The following UCHL5 variants were observed in gnomAD, a reference collection of about 807,000 sequenced individuals.
UCHL5 encodes ubiquitin carboxyl-terminal hydrolase isozyme L5.
In UCHL5, 34 loss-of-function variants were observed where a neutral mutation model predicts 53.8. The observed-to-expected ratio is 0.63, with a 90% CI of 0.48 to 0.84. UCHL5 has a LOEUF of 0.84. Among genes scored for constraint, UCHL5 ranks in the 40% least tolerant of loss-of-function variants. The pLI is 0.00. For missense variants in UCHL5, 290 were observed against 385.6 expected, an observed-to-expected ratio of 0.75 and a Z score of 2.08; for synonymous variants, 111 against 126.3, an observed-to-expected ratio of 0.88 and a Z score of 0.81.
intron 9 of UCHL5, 110 bp from the exon 10 acceptor site, chr1:193,021,305 G>T: frequency 1.5e-6 from 1 of 663,922 alleles, no homozygotes; most frequent in Non-Finnish European, 2.5e-6. Flanking sequence ...ATAAGAAAAT[G>T]ATTTTAGAAA....
At chr1:193,059,457 G>A, upstream of UCHL5, 1 of 1,609,482 alleles carries the variant, frequency 6.2e-7, no homozygotes, top group Non-Finnish European at 8.5e-7. The surrounding 1 kb of genome is among the most constrained non-coding windows in gnomAD (Gnocchi z 4.9). Flanking sequence ...CCACCCTAGA[G>A]ACATCGAAAC....
intron 3 of UCHL5, among the ~76,000 whole-genome samples, chr1:193,032,765 CAT>C (rs1368038281): frequency 6.6e-6 from 1 of 152,182 alleles, no homozygotes; most frequent in South Asian, 2.1e-4. Context: ...GGCCAACAAA[CAT>C]ATGAAAGAAA....
At chr1:193,027,902 G>A in intron 7 of UCHL5, 183 bp downstream of exon 7, 4 of 1,477,592 alleles carry the variant, frequency 2.7e-6, no homozygotes, top group Non-Finnish European at 3.6e-6. Flanking sequence ...GCAGGCGGAT[G>A]GCTTGAGCTC....
chr1:193,041,940 A>G (rs1665714004), intron 3 of UCHL5, among the ~76,000 whole-genome samples: 1 of 152,106 alleles, frequency 6.6e-6, no homozygotes, highest in African/African-American at 2.4e-5. Context: ...CCTGAGTAAC[A>G]TAATGAGATT....
At chr1:193,022,664 C>CAA (rs1291548226) in intron 9 of UCHL5, among the ~76,000 whole-genome samples, 50 of 53,914 alleles carry the variant, frequency 9.3e-4, no homozygotes, top group African/African-American at 2.5e-3. Flanking sequence ...AGACTCTGTC[C>CAA]AAAAAAAAAA....
chr1:193,040,690 T>C (rs1344815211), intron 3 of UCHL5, among the ~76,000 whole-genome samples: 2 of 152,210 alleles, frequency 1.3e-5, no homozygotes, highest in African/African-American at 4.8e-5. Flanking sequence ...ATATCTGCAC[T>C]CCTTGTTTTT....
At chr1:193,022,854 T>C (rs1657642859) in intron 9 of UCHL5, 72 bp downstream of exon 9, 1 of 1,049,886 alleles carries the variant, frequency 9.5e-7, no homozygotes, top group Non-Finnish European at 1.4e-6. Context: ...CATCAGATAT[T>C]CAATGTACCT....
chr1:193,032,022 T>TAA lies in UCHL5; in HGVS notation c.247-2366_247-2365insTT, dbSNP rs1417379393. ...GACCCAGAACCTTAAGAGTTTGGTT[T>TAA]GAATTCCTACGCCAGGGTATATAGT... On this transcript the variant is annotated intron_variant, in intron 3 of 10. Coordinates refer to ENST00000367454, the MANE Select transcript of UCHL5 (RefSeq NM_001199261.3). 2.0e-5 allele frequency among the ~76,000 whole-genome samples: 3 copies of TAA among 152,318 alleles called. No individual in the cohort carries two copies. In the East Asian group the frequency reaches 5.8e-4, roughly 29 times the overall value.
At chr1:193,016,594 A>G (rs1654974734) in intron 10 of UCHL5, among the ~76,000 whole-genome samples, 199 bp from the exon 11 acceptor site, 1 of 151,856 alleles carries the variant, frequency 6.6e-6, no homozygotes, top group African/African-American at 2.4e-5. Context: ...TCTTTGCCCT[A>G]AGAAAGGATC....
At chr1:193,029,699 A>T (rs1232695693) in intron 3 of UCHL5, 42 bp from the exon 4 acceptor site, 1 of 1,508,582 alleles carries the variant, frequency 6.6e-7, no homozygotes, top group Admixed American at 2.3e-5. Flanking sequence ...GTTTAAAAAA[A>T]TAAAAAATGG....
intron 6 of UCHL5, among the ~76,000 whole-genome samples, chr1:193,028,795 T>C (rs1660302471): frequency 6.6e-6 from 1 of 152,150 alleles, no homozygotes; most frequent in Non-Finnish European, 1.5e-5. Context: ...AATTATCCAA[T>C]TCCAAATGAA....
In UCHL5 at chr1:193,059,075, G is replaced by T; in HGVS notation, c.76+110C>A. The T allele has an allele frequency of 2.5e-6, 3 of 1,187,696 alleles. No individual in the cohort carries two copies. The highest frequency in any genetic ancestry group is 1.2e-6 in the Non-Finnish European group (1 of 865,336). The allele number at this position is 1,187,696 out of a possible 1,614,324, so 73.6% of individuals were successfully genotyped here. On this transcript the variant is annotated intron_variant, in intron 1 of 10. Coordinates refer to ENST00000367454, the MANE Select transcript of UCHL5 (RefSeq NM_001199261.3). This position sits in a 1 kb window ranked among gnomAD's most constrained non-coding sequence, Gnocchi z 4.9. ...TCCCCCACCCGGACTCCAGGTTCCT[G>T]AAGTCACCTCTCCAGACGCGGGGCG...
chr1:193,019,880 C>G, intron 10 of UCHL5: 1 of 963,582 alleles, frequency 1.0e-6, no homozygotes, highest in Non-Finnish European at 1.2e-6. Flanking sequence ...TAACATTTAT[C>G]TAACTTAAAA....
rs753316212 is a variant in UCHL5 at position 193,028,157 on chromosome 1, A to G, written c.566-9T>C. 2.5e-6 allele frequency: 4 copies of G among 1,583,150 alleles called. No individual in the cohort carries two copies. Among genetic ancestry groups the G allele is most frequent in the Non-Finnish European group, 3.4e-6 (4 of 1,168,116 alleles). On this transcript the variant is annotated splice_polypyrimidine_tract_variant and intron_variant, in intron 6 of 10. Coordinates refer to ENST00000367454, the MANE Select transcript of UCHL5 (RefSeq NM_001199261.3). Reference sequence around the variant, plus strand: ...ATCTTGATTGCATGCACCTAGAAAGAAATTTTAAAACAGTTAACACAAATA... The same window carrying G: ...ATCTTGATTGCATGCACCTAGAAAGGAATTTTAAAACAGTTAACACAAATA...
chr1:193,021,375 T>C (rs953144193), intron 9 of UCHL5, among the ~76,000 whole-genome samples, 180 bp from the exon 10 acceptor site: 3 of 151,606 alleles, frequency 2.0e-5, no homozygotes, highest in Non-Finnish European at 2.9e-5. Context: ...GTGGAGGGAG[T>C]TTCTTGGGCA....
At chr1:193,057,755 T>G (rs1558198250) in intron 1 of UCHL5, among the ~76,000 whole-genome samples, 1 of 152,266 alleles carries the variant, frequency 6.6e-6, no homozygotes. Flanking sequence ...CTTTGCTAGC[T>G]GTTGGCTAAC....
In UCHL5 at chr1:193,059,139, C is replaced by T. The variant is rs907148503; in HGVS notation, c.76+46G>A. On this transcript the variant is annotated intron_variant, in intron 1 of 10. Transcript: ENST00000367454. The surrounding 1 kb of genome is among the most constrained non-coding windows in gnomAD (Gnocchi z 4.9). Reference sequence around the variant, plus strand: ...GGAACCACTCCATGCCCAGCTTGGGCCTCCTCCCGTGACCCCAGGCCCAGG... The same window carrying T: ...GGAACCACTCCATGCCCAGCTTGGGTCTCCTCCCGTGACCCCAGGCCCAGG... 4.8e-5 allele frequency: 72 copies of T among 1,490,950 alleles called. No individual in the cohort carries two copies. The highest frequency in any genetic ancestry group is 1.8e-4 in the Admixed American group (8 of 44,000). The allele number at this position is 1,490,950 out of a possible 1,614,324, so 92.4% of individuals were successfully genotyped here.
rs527390391 is a variant in UCHL5 at position 193,018,316 on chromosome 1, A to G, written c.943-1921T>C. Reference sequence around the variant, plus strand: ...AGTTATTGGTAGTTAAAAATTTAAGATAGACAATGATTCATAATTACATAC... The same window carrying G: ...AGTTATTGGTAGTTAAAAATTTAAGGTAGACAATGATTCATAATTACATAC... On this transcript the variant is annotated intron_variant, in intron 10 of 10. Coordinates refer to ENST00000367454, the MANE Select transcript of UCHL5 (RefSeq NM_001199261.3). 25 of 214,790 alleles carry G rather than the reference A, an allele frequency of 1.2e-4. No individual in the cohort carries two copies. In the East Asian group the frequency reaches 4.2e-3, roughly 36 times the overall value. The allele number at this position is 214,790 out of a possible 1,614,324, so 13.3% of individuals were successfully genotyped here. A position where few individuals can be genotyped will look rare whatever the true frequency, so the allele number is the denominator to read the frequency against.
intron 3 of UCHL5, among the ~76,000 whole-genome samples, chr1:193,036,579 A>T (rs1329590459): frequency 6.6e-6 from 1 of 152,042 alleles, no homozygotes; most frequent in Non-Finnish European, 1.5e-5. Flanking sequence ...TGCAAACAGA[A>T]AACCAACAAA....
Sources: allele counts gnomAD v4.1 joint callset (sites outside exome capture counted in the v4.1 genomes callset), GRCh38; gene constraint gnomAD v4.1.1; non-coding constraint Gnocchi (gnomAD v3.1); transcripts MANE v1.5; gene names NCBI Gene and HGNC (gene_info 2026-07-23, HGNC 2026-07-21).